SEM1: variants seen among roughly 807,000 people sequenced by gnomAD.
SEM1 encodes the protein SEM1 26S proteasome subunit, also known as 26S proteasome complex subunit SEM1.
In SEM1, 3 loss-of-function variants were observed where a neutral mutation model predicts 12.7. The ratio of observed to expected loss-of-function variants is 0.24; its 90% CI spans 0.11 to 0.61. The LOEUF is 0.61. Among genes scored for constraint, SEM1 ranks in the 20% least tolerant of loss-of-function variants. SEM1 has a pLI of 0.88. For missense variants in SEM1, 59 were observed against 81.3 expected (o/e 0.73, Z 1.06); for synonymous variants, 30 against 27.8 (o/e 1.08, Z -0.25).
chr7:96,622,484 T>C (rs1402562825), downstream of SEM1: 5 of 629,180 alleles, frequency 7.9e-6, no homozygotes, highest in African/African-American at 1.8e-5. Flanking sequence ...AGTAGTAGTA[T>C]TTTCCTTTCT....
intron 2 of SEM1, among the ~76,000 whole-genome samples, chr7:96,519,598 C>T (rs1012470655): frequency 1.1e-4 from 16 of 152,114 alleles, no homozygotes; most frequent in African/African-American, 3.4e-4. Context: ...GGTGAGGGAA[C>T]AAGCCATGTT....
chr7:96,704,073 T>C (rs569703333), intron 1 of SEM1, among the ~76,000 whole-genome samples: 1 of 151,838 alleles, frequency 6.6e-6, no homozygotes, highest in East Asian at 1.9e-4. Context: ...TTAAATAGAC[T>C]ATTTAAGATG....
At chr7:96,507,284 G>T (rs997726578) in intron 2 of SEM1, among the ~76,000 whole-genome samples, 2 of 152,054 alleles carry the variant, frequency 1.3e-5, no homozygotes, top group African/African-American at 4.8e-5. Context: ...AACTGCCTGA[G>T]TTTTGCGGCA....
upstream of SEM1, among the ~76,000 whole-genome samples, chr7:96,500,902 T>C (rs1362449605): frequency 6.6e-6 from 1 of 152,142 alleles, no homozygotes; most frequent in African/African-American, 2.4e-5. Flanking sequence ...TTACCAACTT[T>C]CCTTCAAAAT....
Position 96,674,912 on chromosome 7 carries a change from G to A in SEM1, c.171-1053C>T, listed in dbSNP as rs187916435. On this transcript the variant is annotated intron_variant, in intron 2 of 2. Transcript: ENST00000413065. ...ATGCTCTCTTCTGTCCTGGAAAGCT[G>A]TGCACAAGCACGAGGGTCCTCCATG... 9.2e-4 allele frequency among the ~76,000 whole-genome samples: 140 copies of A among 152,274 alleles called. No homozygotes were observed. In the Middle Eastern group the frequency reaches 0.02, roughly 22 times the overall value.
At chr7:96,658,071 A>AAAT (rs1317727100) in intron 2 of SEM1, among the ~76,000 whole-genome samples, 1 of 152,184 alleles carries the variant, frequency 6.6e-6, no homozygotes, top group African/African-American at 2.4e-5. Context: ...CCAGGGAAGG[A>AAAT]AATGAGTCTC....
rs183688271 is a variant in SEM1 at position 96,681,330 on chromosome 7, G to A, written c.171-7471C>T. On this transcript the variant is annotated intron_variant, in intron 2 of 2. Transcript: ENST00000413065. Reference sequence around the variant, plus strand: ...GTGTTTTTTCTAGAATAGATTATAGGGCAGAAAGAGTAGAAGTAGGGAGAC... The same window carrying A: ...GTGTTTTTTCTAGAATAGATTATAGAGCAGAAAGAGTAGAAGTAGGGAGAC... Among the ~76,000 whole-genome samples, 31 of 152,080 alleles carry A rather than the reference G, an allele frequency of 2.0e-4. No homozygotes were observed. The East Asian group carries it at 5.6e-3, about 28-fold the overall frequency.
At chr7:96,669,860 A>C (rs1057000496), downstream of SEM1, among the ~76,000 whole-genome samples, 1 of 152,204 alleles carries the variant, frequency 6.6e-6, no homozygotes, top group Admixed American at 6.5e-5. Flanking sequence ...AAATATTAAT[A>C]ATGAAAATGA....
intron 2 of SEM1, among the ~76,000 whole-genome samples, chr7:96,597,994 A>AT (rs1807059019): frequency 1.3e-5 from 2 of 152,140 alleles, no homozygotes. Flanking sequence ...TTTGACTTAA[A>AT]TTTATCTCAG....
At chr7:96,607,265 A>G (rs1049266256) in intron 2 of SEM1, among the ~76,000 whole-genome samples, 1 of 152,226 alleles carries the variant, frequency 6.6e-6, no homozygotes, top group Non-Finnish European at 1.5e-5. Context: ...TCATGTTGCT[A>G]TCATGATAGG....
In SEM1 at chr7:96,628,524, A is replaced by C. The variant is rs554040484; in HGVS notation, c.171-5881T>G. Among the ~76,000 whole-genome samples, 3 of 151,940 alleles carry C rather than the reference A, an allele frequency of 2.0e-5. No homozygotes were observed. The East Asian group carries it at 5.8e-4, about 29-fold the overall frequency. On this transcript the variant is annotated intron_variant, in intron 2 of 2. Coordinates refer to the SEM1 transcript ENST00000417009. ...AACAAGCAAAGAGAAAATGAATAAAAGCTCTACACTTTAACTTTATCCTCC... is the reference window on the plus strand; with the variant it reads ...AACAAGCAAAGAGAAAATGAATAAACGCTCTACACTTTAACTTTATCCTCC...
chr7:96,648,073 G>A (rs759786054), intron 2 of SEM1, among the ~76,000 whole-genome samples: 13 of 152,170 alleles, frequency 8.5e-5, no homozygotes, highest in East Asian at 5.8e-4. Context: ...CTGCATCTTC[G>A]TTTTTAACCT....
At chr7:96,585,258 G>T (rs1404472492) in intron 2 of SEM1, among the ~76,000 whole-genome samples, 1 of 152,170 alleles carries the variant, frequency 6.6e-6, no homozygotes, top group Admixed American at 6.5e-5. Context: ...CCTGCTGGGG[G>T]GTGCCTCCCA....
At chr7:96,610,517 C>T (rs552511976) in intron 2 of SEM1, among the ~76,000 whole-genome samples, 2 of 152,312 alleles carry the variant, frequency 1.3e-5, no homozygotes, top group African/African-American at 4.8e-5. Context: ...TAGGCAAAGT[C>T]CTGCTGTGCT....
At chr7:96,543,639 C>T (rs182112251) in intron 2 of SEM1, among the ~76,000 whole-genome samples, 2 of 151,910 alleles carry the variant, frequency 1.3e-5, no homozygotes, top group African/African-American at 4.8e-5. Flanking sequence ...GTTTATGTAT[C>T]ATAGCATTAA....
chr7:96,526,353 C>T (rs1045693010), intron 2 of SEM1, among the ~76,000 whole-genome samples: 3 of 151,742 alleles, frequency 2.0e-5, no homozygotes, highest in African/African-American at 7.3e-5. Context: ...TTGCTTTTGA[C>T]TTGGAGGTGA....
At chr7:96,654,250 A>T (rs950434543) in intron 2 of SEM1, among the ~76,000 whole-genome samples, 1 of 152,188 alleles carries the variant, frequency 6.6e-6, no homozygotes, top group African/African-American at 2.4e-5. Flanking sequence ...ACAACATGAG[A>T]GTCCAGGCCA....
chr7:96,586,085 C>T (rs922099422), intron 2 of SEM1, among the ~76,000 whole-genome samples: 6 of 152,170 alleles, frequency 3.9e-5, no homozygotes, highest in Non-Finnish European at 8.8e-5. Context: ...GTGATCCTCT[C>T]GCCTTGGCCT....
chr7:96,535,097 C>T (rs1162508261), intron 2 of SEM1, among the ~76,000 whole-genome samples: 1 of 151,940 alleles, frequency 6.6e-6, no homozygotes, highest in Non-Finnish European at 1.5e-5. Context: ...TTAGACATTA[C>T]TTCAAGGTAG....
Sources: gnomAD v4.1 joint callset for allele counts (sites outside exome capture counted in the v4.1 genomes callset) on GRCh38, gnomAD v4.1.1 for gene constraint, MANE v1.5 for transcripts, NCBI Gene and HGNC (gene_info 2026-07-23, HGNC 2026-07-21) for gene names.